CCNY: variants seen among roughly 807,000 people sequenced by gnomAD.
CCNY encodes cyclin Y, also known as cyclin-Y.
In CCNY, 19 loss-of-function variants were observed where a neutral mutation model predicts 42.8. That is an observed-to-expected ratio of 0.44 (90% CI 0.31 to 0.65). CCNY has a LOEUF of 0.65. CCNY is among the 30% of genes least tolerant of loss of function. The pLI is 0.07. For missense variants in CCNY, 370 were observed against 437.3 expected, an observed-to-expected ratio of 0.85 and a Z score of 1.37; for synonymous variants, 165 against 162.7, an observed-to-expected ratio of 1.01 and a Z score of -0.11.
chr10:35,353,677 C>A (rs945976481), intron 1 of CCNY, among the ~76,000 whole-genome samples: 2 of 152,186 alleles, frequency 1.3e-5, no homozygotes, highest in African/African-American at 4.8e-5. Context: ...CCTTTCACTG[C>A]AACACACTGT....
At chr10:35,357,013 A>C (rs1836567653) in intron 1 of CCNY, among the ~76,000 whole-genome samples, 2 of 151,866 alleles carry the variant, frequency 1.3e-5, no homozygotes, top group Admixed American at 6.6e-5. Context: ...CAAGCTTCCA[A>C]CTTTGTCTGT....
intron 2 of CCNY, among the ~76,000 whole-genome samples, chr10:35,500,532 C>T (rs1456314031): frequency 2.6e-5 from 4 of 152,234 alleles, no homozygotes; most frequent in Non-Finnish European, 2.9e-5. Flanking sequence ...CTTTTGTACA[C>T]TGCTGTTTTA....
chr10:35,421,296 C>T (rs572704304), intron 1 of CCNY, among the ~76,000 whole-genome samples: 168 of 152,268 alleles, frequency 1.1e-3, no homozygotes, highest in African/African-American at 3.3e-3. Flanking sequence ...CATGAGCTCC[C>T]GTCTCTGTGC....
intron 1 of CCNY, among the ~76,000 whole-genome samples, chr10:35,339,495 G>A (rs1564373776): frequency 6.6e-6 from 1 of 152,156 alleles, no homozygotes; most frequent in Non-Finnish European, 1.5e-5. Context: ...TTTGAACTGA[G>A]TTATATTGAT....
rs116534993 is a variant in CCNY at position 35,373,766 on chromosome 10, T to C, written c.154+36559T>C. 7.0e-3 allele frequency among the ~76,000 whole-genome samples: 1,071 copies of C among 152,352 alleles called. 11 individuals carry two copies. The highest frequency in any genetic ancestry group is 0.025 in the African/African-American group (1,023 of 41,580). ...GTTGTATGAATATAGTATATACATATACAAAATATGTATTAATTGTGTTAT... is the reference window on the plus strand; with the variant it reads ...GTTGTATGAATATAGTATATACATACACAAAATATGTATTAATTGTGTTAT... On this transcript the variant is annotated intron_variant, in intron 1 of 9. Coordinates refer to ENST00000374704, the MANE Select transcript of CCNY (RefSeq NM_145012.6).
intron 2 of CCNY, among the ~76,000 whole-genome samples, chr10:35,485,456 T>TG (rs1459512647): frequency 6.6e-6 from 1 of 152,238 alleles, no homozygotes; most frequent in African/African-American, 2.4e-5. Context: ...CTGGGCGCGG[T>TG]GGCTCACGCC....
rs556658653 is a variant in CCNY, at chr10:35,387,412, C to T, written c.154+50205C>T. Among the ~76,000 whole-genome samples, 15 of 152,296 alleles carry T rather than the reference C, an allele frequency of 9.8e-5. No homozygotes were observed. The South Asian group carries it at 3.1e-3, about 32-fold the overall frequency. On this transcript the variant is annotated intron_variant, in intron 1 of 9. Coordinates refer to ENST00000374704, the MANE Select transcript of CCNY (RefSeq NM_145012.6). ...CAGAGGAGGCTGCTCTACAGCTGGA[C>T]AGTAGTGAGCTCTGGGCCGCCATGA...
intron 3 of CCNY, among the ~76,000 whole-genome samples, chr10:35,328,843 A>T (rs1835908141): frequency 6.6e-6 from 1 of 152,202 alleles, no homozygotes; most frequent in South Asian, 2.1e-4. Flanking sequence ...GTTTCTGCAG[A>T]TTTACCTAGA....
intron 1 of CCNY, among the ~76,000 whole-genome samples, chr10:35,440,494 G>C (rs534835621): frequency 3.3e-5 from 5 of 152,322 alleles, no homozygotes; most frequent in African/African-American, 1.2e-4. Context: ...TATGAAAACA[G>C]CCTGGCCTGG....
At chr10:35,317,867 T>C (rs1397092038) in intron 3 of CCNY, among the ~76,000 whole-genome samples, 2 of 115,498 alleles carry the variant, frequency 1.7e-5, no homozygotes, top group South Asian at 2.8e-4. Flanking sequence ...CTAGAGAGAC[T>C]TTCCCTTTGG....
chr10:35,452,798 A>G (rs1463854442), intron 1 of CCNY, among the ~76,000 whole-genome samples: 3 of 151,840 alleles, frequency 2.0e-5, no homozygotes, highest in Non-Finnish European at 4.4e-5. Context: ...AAAATGGAAA[A>G]AAGCTATTGT....
At chr10:35,444,997 G>A (rs1002705936) in intron 1 of CCNY, among the ~76,000 whole-genome samples, 4 of 152,156 alleles carry the variant, frequency 2.6e-5, no homozygotes, top group African/African-American at 9.7e-5. Flanking sequence ...AGTATTTGTG[G>A]TTTGGCTTCA....
intron 3 of CCNY, chr10:35,327,890 C>A (rs538423140): frequency 6.6e-6 from 1 of 152,368 alleles, no homozygotes; most frequent in South Asian, 2.1e-4. Context: ...AAGAGCTGAT[C>A]CTGTTCTCTC....
At chr10:35,338,175 TG>T (rs1836093577) in intron 1 of CCNY, among the ~76,000 whole-genome samples, 1 of 152,228 alleles carries the variant, frequency 6.6e-6, no homozygotes, top group Non-Finnish European at 1.5e-5. Flanking sequence ...AAGAAATTTT[TG>T]TGTGAATGAA....
At chr10:35,368,075 A>C (rs561266860) in intron 1 of CCNY, among the ~76,000 whole-genome samples, 1 of 152,238 alleles carries the variant, frequency 6.6e-6, no homozygotes. Flanking sequence ...TCTGCAATTG[A>C]TTACAATTGA....
chr10:35,414,332 A>C (rs937243402), intron 1 of CCNY, among the ~76,000 whole-genome samples: 1 of 152,142 alleles, frequency 6.6e-6, no homozygotes. Flanking sequence ...CATTTCTTTC[A>C]AGTTATGAGA....
At chr10:35,316,617 T>C (rs1192400576) in intron 3 of CCNY, among the ~76,000 whole-genome samples, 2 of 152,236 alleles carry the variant, frequency 1.3e-5, no homozygotes, top group Admixed American at 6.5e-5. Flanking sequence ...TAACTGTTTA[T>C]GTTTACTGAA....
At chr10:35,283,089 A>T (rs952225418) in intron 3 of CCNY, among the ~76,000 whole-genome samples, 1 of 152,174 alleles carries the variant, frequency 6.6e-6, no homozygotes, top group South Asian at 2.1e-4. Flanking sequence ...AAGGCAGTGG[A>T]TTCTCCTTGA....
At chr10:35,514,171 G>A (rs943272267) in intron 3 of CCNY, among the ~76,000 whole-genome samples, 9 of 152,062 alleles carry the variant, frequency 5.9e-5, no homozygotes, top group Non-Finnish European at 8.8e-5. Context: ...GTGATGTGGG[G>A]TTCAGATCAA....
Sources: allele counts gnomAD v4.1 joint callset (sites outside exome capture counted in the v4.1 genomes callset), GRCh38; gene constraint gnomAD v4.1.1; transcripts MANE v1.5; gene names NCBI Gene and HGNC (gene_info 2026-07-23, HGNC 2026-07-21).